The following TMEM223 variants were observed in gnomAD, a reference collection of about 807,000 sequenced individuals.
TMEM223 encodes transmembrane protein 223.
A neutral mutation model predicts 14.1 loss-of-function variants in TMEM223; 14 were observed. The observed-to-expected ratio is 0.99, with a 90% confidence interval of 0.66 to 1.55. TMEM223 has a LOEUF of 1.55. TMEM223 is among the 40% of genes most tolerant of loss of function. The pLI is 0.00. For synonymous variants in TMEM223, 145 were observed against 120.5 expected (o/e 1.20, Z -1.33); for missense variants, 346 against 269.9 (o/e 1.28, Z -1.97).
chr11:62,787,108 C>G (rs374489267), downstream of TMEM223: 1 of 1,549,340 alleles, frequency 6.5e-7, no homozygotes, highest in Non-Finnish European at 8.7e-7. Context: ...CCCGCACTTT[C>G]GTTTCATCAT....
At chr11:62,786,812 C>G, downstream of TMEM223, 8 of 1,607,878 alleles carry the variant, frequency 5.0e-6, no homozygotes, top group Non-Finnish European at 5.9e-6. Context: ...GGCCAGCCTG[C>G]ACCCACGGCT....
downstream of TMEM223, chr11:62,786,673 G>C: frequency 6.2e-7 from 1 of 1,611,832 alleles, no homozygotes. Flanking sequence ...ACCCAGCTTT[G>C]GGTCCGGCCT....
downstream of TMEM223, chr11:62,786,573 T>G: frequency 6.4e-7 from 1 of 1,569,082 alleles, no homozygotes; most frequent in South Asian, 1.2e-5. Flanking sequence ...CCAACAGGGG[T>G]GGCCCAGGTG....
At chr11:62,791,305 TG>T (rs2084358229) in intron 1 of TMEM223, among the ~76,000 whole-genome samples, 1 of 152,148 alleles carries the variant, frequency 6.6e-6, no homozygotes, top group Non-Finnish European at 1.5e-5. Context: ...TCGCTTAGGC[TG>T]GAGTGCAGTG....
In TMEM223 at chr11:62,790,001, G is replaced by A. The variant is rs778238179; in HGVS notation, c.*622C>T. 2 of 1,614,000 alleles carry A rather than the reference G, an allele frequency of 1.2e-6. No individual in the cohort carries two copies. Among genetic ancestry groups the A allele is most frequent in the Non-Finnish European group, 1.7e-6 (2 of 1,179,968 alleles). ...CTGGAGAGGGGTGACCCTGAGTGGA[G>A]CTCTGAGACAGATGCTCTCGTTGGG... On this transcript the variant is annotated 3_prime_UTR_variant, in exon 2 of 2. Coordinates refer to ENST00000307366, the MANE Select transcript of TMEM223 (RefSeq NM_001080501.3).
chr11:62,771,458 C>G (rs762578922), downstream of TMEM223: 1 of 157,252 alleles, frequency 6.4e-6, no homozygotes, highest in Non-Finnish European at 1.4e-5. Flanking sequence ...GCCGTCGTCT[C>G]GGTAGCAGCC....
intron 2 of TMEM223, among the ~76,000 whole-genome samples, chr11:62,772,942 A>G (rs1398296031): frequency 6.6e-6 from 1 of 151,066 alleles, no homozygotes. Flanking sequence ...CAGTGGTGCA[A>G]TCTCGGCTCA....
downstream of TMEM223, chr11:62,789,557 A>G (rs557439791): frequency 1.3e-6 from 2 of 1,556,338 alleles, no homozygotes; most frequent in Admixed American, 1.9e-5. Context: ...TGCCTCGGAT[A>G]TAAACTATCA....
rs745821471 is a variant in TMEM223, at chr11:62,790,087, C to T, written c.*536G>A. The T allele has an allele frequency of 9.1e-6, 14 of 1,545,930 alleles. No homozygotes were observed. The highest frequency in any genetic ancestry group is 4.6e-5 in the East Asian group (2 of 43,186). ...GCTTCCTGCAGCCGAAGACTCCATG[C>T]CCAAGTGCCTGTAATCCCCCCCCTC... On this transcript the variant is annotated 3_prime_UTR_variant, in exon 2 of 2. Transcript: ENST00000307366.
chr11:62,787,709 G>A, downstream of TMEM223: 1 of 788,530 alleles, frequency 1.3e-6, no homozygotes, highest in Non-Finnish European at 2.0e-6. Context: ...GCTCCTCCTG[G>A]CCAGGTCATA....
At chr11:62,775,636 A>C in intron 1 of TMEM223, 1 of 917,040 alleles carries the variant, frequency 1.1e-6, no homozygotes, top group Non-Finnish European at 1.6e-6. Context: ...CACTTTCCTC[A>C]TCTGGGTACT....
intron 2 of TMEM223, among the ~76,000 whole-genome samples, chr11:62,773,225 A>G (rs3017241): frequency 0.082 from 12,177 of 149,066 alleles, 990 homozygotes; most frequent in African/African-American, 0.21. Flanking sequence ...TTGGCTCACT[A>G]CAACCTCCAC....
downstream of TMEM223, chr11:62,786,225 A>G (rs778587810): frequency 1.3e-6 from 2 of 1,592,862 alleles, no homozygotes; most frequent in South Asian, 1.1e-5. Flanking sequence ...TAAGTATCAA[A>G]GACATGCTAA....
downstream of TMEM223, chr11:62,789,261 TCCA>T: frequency 1.2e-6 from 2 of 1,613,938 alleles, no homozygotes; most frequent in South Asian, 1.1e-5. Flanking sequence ...GAGCCTCACC[TCCA>T]CCACAAGGCT....
chr11:62,782,218 C>G, intron 1 of TMEM223: 1 of 1,614,238 alleles, frequency 6.2e-7, no homozygotes, highest in Non-Finnish European at 8.5e-7. Flanking sequence ...TGTCCGCTGT[C>G]TGGTGGGCAG....
At chr11:62,784,595 C>CG, downstream of TMEM223, among the ~76,000 whole-genome samples, 1 of 152,002 alleles carries the variant, frequency 6.6e-6, no homozygotes, top group African/African-American at 2.4e-5. Context: ...TGTGAGCCAC[C>CG]GTGCCTGGCC....
At chr11:62,779,974 ATAT>A (rs1214324099) in intron 1 of TMEM223, among the ~76,000 whole-genome samples, 49 of 74,922 alleles carry the variant, frequency 6.5e-4, no homozygotes, top group Admixed American at 2.5e-3. Context: ...ATATATATAT[ATAT>A]TTTTTTTTTT....
In TMEM223 at chr11:62,781,939, C is replaced by G. The variant is rs892618951; in HGVS notation, c.315-7274G>C. 6.2e-6 allele frequency: 10 copies of G among 1,614,024 alleles called. No individual in the cohort carries two copies. Among genetic ancestry groups the G allele is most frequent in the Admixed American group, 1.7e-5 (1 of 59,978 alleles). ...GACGAACTCCAAGATTGGGGCACTCCTGCCTTACTTTGTTTATGTGGTCAG... is the reference window on the plus strand; with the variant it reads ...GACGAACTCCAAGATTGGGGCACTCGTGCCTTACTTTGTTTATGTGGTCAG... On this transcript the variant is annotated intron_variant, in intron 1 of 2. Transcript: ENST00000528367.
intron 1 of TMEM223, among the ~76,000 whole-genome samples, chr11:62,776,959 C>T (rs2084192751): frequency 6.6e-6 from 1 of 151,938 alleles, no homozygotes; most frequent in South Asian, 2.1e-4. Context: ...CCAACCTGCC[C>T]AACATGGTGA....
Sources: allele counts gnomAD v4.1 joint callset (sites outside exome capture counted in the v4.1 genomes callset), GRCh38; gene constraint gnomAD v4.1.1; transcripts MANE v1.5; gene names NCBI Gene and HGNC (gene_info 2026-07-23, HGNC 2026-07-21).